The following PRKD1 variants were observed in gnomAD, a reference collection of about 807,000 sequenced individuals.
PRKD1 encodes the protein serine/threonine-protein kinase D1.
Under a neutral mutation model 95.9 loss-of-function variants are expected in PRKD1, and 63 were observed. The observed-to-expected ratio is 0.66, with a 90% CI of 0.54 to 0.81. PRKD1 has a LOEUF of 0.81. Ranked by LOEUF, PRKD1 falls within the 30% of genes least tolerant of loss-of-function variation. PRKD1 has a pLI of 0.00. For missense variants in PRKD1, 1,048 were observed against 1,165.3 expected (o/e 0.90, Z 1.47); for synonymous variants, 425 against 423.1 (o/e 1.00, Z -0.05).
chr14:29,651,511 G>GT (rs1881495254), intron 4 of PRKD1, among the ~76,000 whole-genome samples: 1 of 152,036 alleles, frequency 6.6e-6, no homozygotes, highest in Non-Finnish European at 1.5e-5. Flanking sequence ...GTAAAATAAT[G>GT]TATCTAAATA....
At chr14:29,785,420 A>G (rs1464586406) in intron 1 of PRKD1, among the ~76,000 whole-genome samples, 1 of 152,110 alleles carries the variant, frequency 6.6e-6, no homozygotes, top group East Asian at 1.9e-4. Context: ...TTCATTTTGT[A>G]TCCTGCAACT....
At chr14:29,592,603 G>A (rs1893171122) in intron 16 of PRKD1, 1 of 152,024 alleles carries the variant, frequency 6.6e-6, no homozygotes, top group Non-Finnish European at 1.5e-5. Context: ...AGACTATAAA[G>A]TGACTGGGAA....
intron 1 of PRKD1, among the ~76,000 whole-genome samples, chr14:29,731,896 C>G (rs897442429): frequency 2.0e-5 from 3 of 148,148 alleles, no homozygotes; most frequent in Admixed American, 6.7e-5. Context: ...TTTTTTGAGA[C>G]CGAATCTCAC....
At chr14:29,770,642 T>TGA (rs1265017141) in intron 1 of PRKD1, among the ~76,000 whole-genome samples, 1 of 152,062 alleles carries the variant, frequency 6.6e-6, no homozygotes, top group Admixed American at 6.6e-5. Flanking sequence ...GTAGAACTTA[T>TGA]GAGAAGTGAA....
At position 29,609,935 on chromosome 14, in the gene PRKD1, A is replaced by T. The variant is rs1238720189; in HGVS notation, c.1906-10118T>A. Among the ~76,000 whole-genome samples, 3 of 152,232 alleles carry T rather than the reference A, an allele frequency of 2.0e-5. No individual in the cohort carries two copies. The East Asian group carries it at 5.8e-4, about 29-fold the overall frequency. ...GTTTCATACATTCTAGAAATGATTC[A>T]ATCTAGATTTAGATCCAGGATTGCT... On this transcript the variant is annotated intron_variant, in intron 13 of 17. Coordinates refer to ENST00000331968, the MANE Select transcript of PRKD1 (RefSeq NM_002742.3).
chr14:29,894,203 G>T (rs1184775219), intron 1 of PRKD1, among the ~76,000 whole-genome samples: 1 of 152,194 alleles, frequency 6.6e-6, no homozygotes, highest in Non-Finnish European at 1.5e-5. Context: ...AATAATGAGA[G>T]TATACACCAA....
In PRKD1 at chr14:29,829,528, A is replaced by C. The variant is rs186077551; in HGVS notation, c.264+97721T>G. ...GCTTTTTAAACCATAAGTATTTTAAATGAAATTTCTAATGCAGAGGGGAAG... is the reference window on the plus strand; with the variant it reads ...GCTTTTTAAACCATAAGTATTTTAACTGAAATTTCTAATGCAGAGGGGAAG... On this transcript the variant is annotated intron_variant, in intron 1 of 17. Coordinates refer to ENST00000331968, the MANE Select transcript of PRKD1 (RefSeq NM_002742.3). Among the ~76,000 whole-genome samples, 890 of 152,296 alleles carry C rather than the reference A, an allele frequency of 5.8e-3. 4 individuals carry two copies. The highest frequency in any genetic ancestry group is 0.021 in the African/African-American group (863 of 41,556).
intron 1 of PRKD1, among the ~76,000 whole-genome samples, chr14:29,772,107 A>C (rs566787877): frequency 9.8e-5 from 15 of 152,332 alleles, no homozygotes; most frequent in South Asian, 2.1e-4. Flanking sequence ...TTGTGAGTTA[A>C]TGCTTAAACA....
chr14:29,709,453 T>C (rs957488640), intron 2 of PRKD1, among the ~76,000 whole-genome samples: 4 of 152,180 alleles, frequency 2.6e-5, no homozygotes, highest in Non-Finnish European at 4.4e-5. Flanking sequence ...TTCAGGATTA[T>C]AGCATTGCTC....
At chr14:29,710,951 T>C (rs937592432) in intron 2 of PRKD1, among the ~76,000 whole-genome samples, 1 of 152,128 alleles carries the variant, frequency 6.6e-6, no homozygotes, top group Non-Finnish European at 1.5e-5. Context: ...TCGTTCTGCA[T>C]GTTAAGTACT....
At chr14:29,595,185 C>T (rs1036768691) in intron 16 of PRKD1, among the ~76,000 whole-genome samples, 1 of 152,092 alleles carries the variant, frequency 6.6e-6, no homozygotes, top group African/African-American at 2.4e-5. Context: ...TTTCTATAGC[C>T]AAGTAAAATG....
chr14:29,620,413 C>T lies in PRKD1; in HGVS notation c.1905+3739G>A, dbSNP rs1274040627. 2.1e-4 allele frequency among the ~76,000 whole-genome samples: 32 copies of T among 149,522 alleles called. 1 individual carries two copies. Among genetic ancestry groups the T allele is most frequent in the African/African-American group, 4.2e-4 (17 of 40,714 alleles). The stretch of plus-strand genomic sequence containing the variant: ...AACCTACAAAATGGGAGAAAATTTT[C>T]GCAACCTATTCATCTGACAAAGGGC... On this transcript the variant is annotated intron_variant, in intron 13 of 17. Transcript: ENST00000331968.
intron 16 of PRKD1, among the ~76,000 whole-genome samples, chr14:29,590,192 A>C (rs888310356): frequency 6.6e-6 from 1 of 152,230 alleles, no homozygotes; most frequent in African/African-American, 2.4e-5. Flanking sequence ...AGATAGTTTG[A>C]GAAGAATCAC....
chr14:29,622,317 GT>G (rs1334940984), intron 13 of PRKD1, among the ~76,000 whole-genome samples: 1 of 151,932 alleles, frequency 6.6e-6, no homozygotes, highest in Non-Finnish European at 1.5e-5. Context: ...GAGGACCTCT[GT>G]TTTAGAAGAG....
At chr14:29,650,366 G>T (rs1389211801) in intron 4 of PRKD1, 1 of 152,388 alleles carries the variant, frequency 6.6e-6, no homozygotes, top group Non-Finnish European at 1.5e-5. Context: ...TGGTTCCGTT[G>T]CACTGTCTGG....
At chr14:29,782,604 C>T (rs913788970) in intron 1 of PRKD1, among the ~76,000 whole-genome samples, 1 of 152,038 alleles carries the variant, frequency 6.6e-6, no homozygotes, top group African/African-American at 2.4e-5. Flanking sequence ...TATCATGGGT[C>T]ACTGCAGCCT....
At chr14:29,889,494 G>C (rs1893861980) in intron 1 of PRKD1, among the ~76,000 whole-genome samples, 2 of 152,166 alleles carry the variant, frequency 1.3e-5, no homozygotes, top group South Asian at 4.1e-4. Flanking sequence ...ATGAGTGACT[G>C]TCCATCAATA....
At position 29,577,256 on chromosome 14, in the gene PRKD1, C is replaced by T. The variant is rs766717281; in HGVS notation, c.2721G>A (p.Glu907=). 6.2e-7 allele frequency: 1 copy of T among 1,613,272 alleles called. No individual in the cohort carries two copies. Among genetic ancestry groups the T allele is most frequent in the Non-Finnish European group, 8.5e-7 (1 of 1,179,540 alleles). Residue 907 remains glutamate, a synonymous_variant, in exon 18 of 18, where the codon GAG becomes GAA. Transcript: ENST00000331968. The stretch of plus-strand genomic sequence containing the variant: ...ATGGAACTCAGAGGATGCTGACACG[C>T]TCACCGAGGGCTTTCATTTCTGTTT... ...TEETEMKALG[E]RVSIL
intron 1 of PRKD1, among the ~76,000 whole-genome samples, chr14:29,901,158 T>G (rs1421067966): frequency 6.6e-6 from 1 of 152,042 alleles, no homozygotes; most frequent in African/African-American, 2.4e-5. Flanking sequence ...TACACAGCCA[T>G]AAAAAAGAAT....
Sources: gnomAD v4.1 joint callset for allele counts (sites outside exome capture counted in the v4.1 genomes callset) on GRCh38, gnomAD v4.1.1 for gene constraint, MANE v1.5 for transcripts, NCBI Gene and HGNC (gene_info 2026-07-23, HGNC 2026-07-21) for gene names.